Variants in GRIK4 observed in about 807,000 individuals in gnomAD.
The protein encoded by GRIK4 is glutamate ionotropic receptor kainate type subunit 4.
Under a neutral mutation model 104.9 loss-of-function variants are expected in GRIK4, and 40 were observed. The ratio of observed to expected loss-of-function variants is 0.38; its 90% CI spans 0.30 to 0.50. The LOEUF is 0.50. GRIK4 is among the 20% of genes least tolerant of loss of function. The pLI is 0.93. For missense variants in GRIK4, 1,047 were observed against 1,308.1 expected, an observed-to-expected ratio of 0.80 and a Z score of 3.08; for synonymous variants, 485 against 524.9, an observed-to-expected ratio of 0.92 and a Z score of 1.04.
At chr11:120,625,955 C>T (rs4936533) in intron 1 of GRIK4, among the ~76,000 whole-genome samples, 51,792 of 151,944 alleles carry the variant, frequency 0.34, 9,382 homozygotes, top group African/African-American at 0.45. Flanking sequence ...ACCTGACCAA[C>T]ATTTGAAGAA....
rs34068640 is a variant in GRIK4, at chr11:120,701,951, CTTT to C, written c.82+41572_82+41574del. On this transcript the variant is annotated intron_variant, in intron 3 of 20. Coordinates refer to ENST00000527524, the MANE Select transcript of GRIK4 (RefSeq NM_014619.5). ...GAGACAGATCAAGGGTGATTCCAAGCTTTTTTTTTTTTTTTTTTTTTTTGAGAT... is the reference window on the plus strand; with the variant it reads ...GAGACAGATCAAGGGTGATTCCAAGCTTTTTTTTTTTTTTTTTTTTGAGAT... Among the ~76,000 whole-genome samples, 626 of 92,016 alleles carry C rather than the reference CTTT, an allele frequency of 6.8e-3. 3 individuals carry two copies. The highest frequency in any genetic ancestry group is 8.9e-3 in the Non-Finnish European group (437 of 49,368). 60.4% of individuals were successfully genotyped at this position (92,016 alleles called of 152,430 possible).
At chr11:120,842,202 A>C (rs915919428) in intron 8 of GRIK4, among the ~76,000 whole-genome samples, 1 of 152,234 alleles carries the variant, frequency 6.6e-6, no homozygotes, top group African/African-American at 2.4e-5. Context: ...ACTCAATTGA[A>C]GTTCCAAAAG....
At chr11:120,846,664 G>A (rs1391327185) in intron 8 of GRIK4, among the ~76,000 whole-genome samples, 1 of 152,182 alleles carries the variant, frequency 6.6e-6, no homozygotes, top group African/African-American at 2.4e-5. Context: ...ATTGGAATTG[G>A]CGTCAGTAGG....
rs756169463 is a variant in GRIK4 at position 120,819,709 on chromosome 11, A to C, written c.346-46A>C. ...CACTCATCCCTCTTTCTTCCTTTTC[A>C]CCCACCTGGATCCTCCCTGCTGTCC... On this transcript the variant is annotated intron_variant, in intron 5 of 20. Transcript: ENST00000527524. The surrounding 1 kb of genome is among the most constrained non-coding windows in gnomAD (Gnocchi z 4.3). The C allele has an allele frequency of 6.3e-7, 1 of 1,589,696 alleles. No homozygotes were observed.
At chr11:120,599,952 T>C (rs1948860784) in intron 1 of GRIK4, among the ~76,000 whole-genome samples, 1 of 152,196 alleles carries the variant, frequency 6.6e-6, no homozygotes, top group Non-Finnish European at 1.5e-5. Flanking sequence ...GTTTGAACAT[T>C]AGAGGCTGGT....
At chr11:120,556,369 C>T (rs1159166133) in intron 1 of GRIK4, among the ~76,000 whole-genome samples, 1 of 152,190 alleles carries the variant, frequency 6.6e-6, no homozygotes, top group Non-Finnish European at 1.5e-5. Flanking sequence ...CCTGTCCTCT[C>T]TCCACTCCCC....
intron 3 of GRIK4, among the ~76,000 whole-genome samples, chr11:120,707,882 T>C (rs1359174663): frequency 6.6e-6 from 1 of 152,220 alleles, no homozygotes; most frequent in Non-Finnish European, 1.5e-5. Context: ...CCTCACAACA[T>C]GGTAGCTGAG....
At chr11:120,907,186 A>G (rs1366782973) in intron 13 of GRIK4, among the ~76,000 whole-genome samples, 1 of 152,218 alleles carries the variant, frequency 6.6e-6, no homozygotes, top group Non-Finnish European at 1.5e-5. Flanking sequence ...TAGTTAGACC[A>G]TAGAAAGCCG....
rs367976403 is a variant in GRIK4 at position 120,772,215 on chromosome 11, AAAAC to A, written c.83-30462_83-30459del. On this transcript the variant is annotated intron_variant, in intron 3 of 20. Transcript: ENST00000527524. ...TTAGTTCATTCCTACTGCTATTTAA[AAAAC>A]AAACAAACAAACAAAAAACAAAAAA... 2.8e-4 allele frequency among the ~76,000 whole-genome samples: 43 copies of A among 152,344 alleles called. No homozygotes were observed. In the South Asian group the frequency reaches 3.5e-3, roughly 12 times the overall value.
Position 120,842,522 on chromosome 11 carries a change from A to G in GRIK4, c.744+5678A>G, listed in dbSNP as rs180900375. ...TCTCTGCCACATTATTAAATTATCA[A>G]TCATCATCACACATCTATTTCATGT... On this transcript the variant is annotated intron_variant, in intron 8 of 20. Coordinates refer to ENST00000527524, the MANE Select transcript of GRIK4 (RefSeq NM_014619.5). Among the ~76,000 whole-genome samples the G allele has an allele frequency of 1.6e-3, 251 of 152,344 alleles. 1 individual carries two copies. The highest frequency in any genetic ancestry group is 2.8e-3 in the Non-Finnish European group (192 of 68,042).
At chr11:120,915,127 A>G (rs983397795) in intron 13 of GRIK4, among the ~76,000 whole-genome samples, 5 of 152,134 alleles carry the variant, frequency 3.3e-5, no homozygotes, top group African/African-American at 1.2e-4. Context: ...TGAGAGATGC[A>G]TGCCACATAG....
intron 1 of GRIK4, among the ~76,000 whole-genome samples, chr11:120,593,369 C>T (rs914189064): frequency 1.3e-5 from 2 of 152,054 alleles, no homozygotes; most frequent in African/African-American, 4.8e-5. Context: ...TTGGGGAGGT[C>T]GCTAGTAGCT....
chr11:120,830,016 TAAA>T (rs2135560402), intron 6 of GRIK4, among the ~76,000 whole-genome samples: 1 of 152,148 alleles, frequency 6.6e-6, no homozygotes, highest in South Asian at 2.1e-4. Context: ...AGCATCTTAA[TAAA>T]TAACAGGCCT....
In GRIK4 at chr11:120,720,371, G is replaced by A. The variant is rs138213398; in HGVS notation, c.82+59971G>A. Among the ~76,000 whole-genome samples, 591 of 152,326 alleles carry A rather than the reference G, an allele frequency of 3.9e-3. 1 individual carries two copies. Among genetic ancestry groups the A allele is most frequent in the Non-Finnish European group, 6.7e-3 (458 of 68,032 alleles). ...TCCTTTGATGTGCGTTTGGCTGTGA[G>A]CAAAGTAATATAGATTTTCCCATTG... On this transcript the variant is annotated intron_variant, in intron 3 of 20. Transcript: ENST00000527524.
At chr11:120,739,226 A>G (rs1012335787) in intron 3 of GRIK4, among the ~76,000 whole-genome samples, 5 of 152,184 alleles carry the variant, frequency 3.3e-5, no homozygotes, top group African/African-American at 1.2e-4. Context: ...TTCCTTATCT[A>G]TATGGAAATA....
At chr11:120,662,965 T>G (rs984560537) in intron 3 of GRIK4, among the ~76,000 whole-genome samples, 1 of 152,214 alleles carries the variant, frequency 6.6e-6, no homozygotes, top group African/African-American at 2.4e-5. Context: ...ACAGCCAAAT[T>G]GTCTATTACA....
rs192984640 is a variant in GRIK4 at position 120,865,335 on chromosome 11, G to A, written c.906+3215G>A. On this transcript the variant is annotated intron_variant, in intron 9 of 20. Transcript: ENST00000527524. Reference sequence around the variant, plus strand: ...GTAACAGCCAACTCCTAAATCTCATGATACACAATAAATATGCATACAATA... The same window carrying A: ...GTAACAGCCAACTCCTAAATCTCATAATACACAATAAATATGCATACAATA... 2.0e-4 allele frequency among the ~76,000 whole-genome samples: 30 copies of A among 152,354 alleles called. No homozygotes were observed. The Middle Eastern group carries it at 0.017, about 86-fold the overall frequency.
intron 3 of GRIK4, among the ~76,000 whole-genome samples, chr11:120,779,781 C>G (rs1256469801): frequency 6.6e-6 from 1 of 152,196 alleles, no homozygotes; most frequent in Non-Finnish European, 1.5e-5. Flanking sequence ...TGTTTTCTTT[C>G]TCTTAGCTAG....
intron 1 of GRIK4, among the ~76,000 whole-genome samples, chr11:120,649,673 C>T (rs1004584085): frequency 6.6e-6 from 1 of 152,202 alleles, no homozygotes; most frequent in African/African-American, 2.4e-5. Context: ...CTTCTCAGTC[C>T]TCCTTAGGGA....
Sources: gnomAD v4.1 joint callset for allele counts (sites outside exome capture counted in the v4.1 genomes callset) on GRCh38, gnomAD v4.1.1 for gene constraint, Gnocchi (gnomAD v3.1) non-coding constraint, MANE v1.5 for transcripts, NCBI Gene and HGNC (gene_info 2026-07-23, HGNC 2026-07-21) for gene names.